PSME4: variants seen among roughly 807,000 people sequenced by gnomAD.
PSME4 encodes the protein proteasome activator complex subunit 4.
PSME4 carries 89 observed loss-of-function variants against 253.9 expected under a neutral mutation model. That is an observed-to-expected ratio of 0.35 (90% CI 0.30 to 0.42). PSME4 has a LOEUF of 0.42. Ranked by LOEUF, PSME4 falls within the 10% of genes least tolerant of loss-of-function variation. The pLI, the probability that PSME4 is intolerant of heterozygous loss-of-function variation, is 1.00. For synonymous variants in PSME4, 851 were observed against 759.2 expected, an observed-to-expected ratio of 1.12 and a Z score of -1.99; for missense variants, 2,014 against 2,195.2, an observed-to-expected ratio of 0.92 and a Z score of 1.65.
rs10599430 is a variant in PSME4, at chr2:53,876,716, C to CTTTTTTTTTTTTTTTTTTTTTTTTTTTTT, written c.4816-962_4816-961insAAAAAAAAAAAAAAAAAAAAAAAAAAAAA. On this transcript the variant is annotated intron_variant, in intron 41 of 46. Transcript: ENST00000404125. ...TCTGATGGCTGTAGCCACTGTCATT[C>CTTTTTTTTTTTTTTTTTTTTTTTTTTTTT]TTTTTTTTTTTTTTTTTTTTGAGAC... 4.8e-4 allele frequency among the ~76,000 whole-genome samples: 47 copies of CTTTTTTTTTTTTTTTTTTTTTTTTTTTTT among 97,844 alleles called. 4 individuals are homozygous for CTTTTTTTTTTTTTTTTTTTTTTTTTTTTT. Among genetic ancestry groups the CTTTTTTTTTTTTTTTTTTTTTTTTTTTTT allele is most frequent in the East Asian group, 1.7e-3 (4 of 2,392 alleles). 64.2% of individuals were successfully genotyped at this position (97,844 alleles called of 152,430 possible).
At chr2:53,946,613 G>C (rs1475526890) in intron 3 of PSME4, among the ~76,000 whole-genome samples, 1 of 152,168 alleles carries the variant, frequency 6.6e-6, no homozygotes, top group Non-Finnish European at 1.5e-5. Flanking sequence ...AAAAATACTG[G>C]GGCCAGGTGT....
At chr2:53,905,014 A>G (rs1358220813) in intron 26 of PSME4, among the ~76,000 whole-genome samples, 1 of 146,498 alleles carries the variant, frequency 6.8e-6, no homozygotes, top group Non-Finnish European at 1.5e-5. Context: ...AGTTTGAAAT[A>G]TGTACAATGT....
chr2:53,944,561 T>C (rs1212357919), intron 3 of PSME4, among the ~76,000 whole-genome samples: 1 of 152,230 alleles, frequency 6.6e-6, no homozygotes, highest in African/African-American at 2.4e-5. Flanking sequence ...AATATCATAT[T>C]AATAATCGTG....
Position 53,925,664 on chromosome 2 carries a change from T to C in PSME4, c.1684A>G (p.Thr562Ala), listed in dbSNP as rs1573304746. 6.2e-7 allele frequency: 1 copy of C among 1,608,128 alleles called. No individual in the cohort carries two copies. Among genetic ancestry groups the C allele is most frequent in the East Asian group, 2.2e-5 (1 of 44,630 alleles). Residue 562 changes from threonine (T) to alanine (A), a missense_variant, in exon 14 of 47, where the codon ACA (threonine) becomes GCA (alanine). Physicochemically the swap from Thr to Ala is moderately conservative, Grantham distance 58. Transcript: ENST00000404125. ...DRCFGLIESS[T>A]LEQTREETET... is the part of the protein sequence containing the mutation. The stretch of plus-strand genomic sequence containing the variant: ...GTCTCTTCTCTTGTTTGCTCCAATG[T>C]GCTACTTTCTATAAGTCCAAAACAT...
intron 1 of PSME4, among the ~76,000 whole-genome samples, chr2:53,959,941 A>C (rs1259403919): frequency 6.6e-6 from 1 of 152,232 alleles, no homozygotes; most frequent in African/African-American, 2.4e-5. Context: ...TAAAAGTGAA[A>C]TAAAATAAAG....
At position 53,923,128 on chromosome 2, in the gene PSME4, T is replaced by C. The variant is rs1157549094; in HGVS notation, c.1909-10A>G. ...ATTCTTCTGGGCAGCACTGAAAATG[T>C]ATTTGTATAAGTAAGGCTTTTTTGA... On this transcript the variant is annotated splice_polypyrimidine_tract_variant and intron_variant, in intron 15 of 46. Coordinates refer to ENST00000404125, the MANE Select transcript of PSME4 (RefSeq NM_014614.3). 1.3e-6 allele frequency: 2 copies of C among 1,598,748 alleles called. No individual in the cohort carries two copies. The highest frequency in any genetic ancestry group is 2.7e-5 in the African/African-American group (2 of 74,366).
intron 27 of PSME4, among the ~76,000 whole-genome samples, chr2:53,903,266 T>C (rs924060209): frequency 3.9e-5 from 6 of 152,214 alleles, no homozygotes; most frequent in Non-Finnish European, 7.3e-5. Flanking sequence ...CCAAATTAAC[T>C]ATGTCATCAT....
Position 53,939,973 on chromosome 2 carries a change from G to T in PSME4, c.528C>A (p.Leu176=). 1 of 1,595,846 alleles carries T rather than the reference G, an allele frequency of 6.3e-7. No individual in the cohort carries two copies. Among genetic ancestry groups the T allele is most frequent in the Non-Finnish European group, 8.6e-7 (1 of 1,166,504 alleles). Residue 176 remains leucine, a synonymous_variant, in exon 4 of 47, where the codon CTC becomes CTA. Coordinates refer to ENST00000404125, the MANE Select transcript of PSME4 (RefSeq NM_014614.3). The part of the protein sequence containing the change: ...PNSVENILKT[L]VKSCRPYFPA... The stretch of plus-strand genomic sequence containing the variant: ...CTACTTACGGTCGGCAGCTTTTCAC[G>T]AGTGTTTTGAGAATATTTTCTACAG...
chr2:53,919,391 G>A (rs1668200470), intron 19 of PSME4, 145 bp from the exon 20 acceptor site: 1 of 1,116,152 alleles, frequency 9.0e-7, no homozygotes, highest in Admixed American at 3.7e-5. Flanking sequence ...CAACTTAACA[G>A]TGAAGAACAA....
At chr2:53,962,223 A>G (rs1048088653) in intron 1 of PSME4, among the ~76,000 whole-genome samples, 1 of 152,212 alleles carries the variant, frequency 6.6e-6, no homozygotes, top group African/African-American at 2.4e-5. Flanking sequence ...AGAAGTTACT[A>G]TTTATTCCTA....
chr2:53,950,749 G>A (rs1418893518), intron 1 of PSME4, among the ~76,000 whole-genome samples: 3 of 151,272 alleles, frequency 2.0e-5, no homozygotes, highest in Non-Finnish European at 2.9e-5. Flanking sequence ...GCTGAGGCAG[G>A]AGAATTGCTT....
chr2:53,952,187 G>C (rs1670029740), intron 1 of PSME4, among the ~76,000 whole-genome samples: 3 of 152,132 alleles, frequency 2.0e-5, no homozygotes, highest in Admixed American at 2.0e-4. Flanking sequence ...TGTAATCCCA[G>C]CACTTTGGGA....
chr2:53,911,962 G>A lies in PSME4; in HGVS notation c.2517-1832C>T, dbSNP rs201299708. On this transcript the variant is annotated intron_variant, in intron 20 of 46. Coordinates refer to ENST00000404125, the MANE Select transcript of PSME4 (RefSeq NM_014614.3). The stretch of plus-strand genomic sequence containing the variant: ...ACACTTTGAATTGTTTTCTTATCAG[G>A]GAATTTGAAAAATAATCATTTATGC... 9.6e-4 allele frequency among the ~76,000 whole-genome samples: 146 copies of A among 152,024 alleles called. 1 individual carries two copies. The highest frequency in any genetic ancestry group is 3.2e-3 in the Admixed American group (49 of 15,260).
intron 24 of PSME4, chr2:53,907,925 G>A (rs1680731764): frequency 6.2e-6 from 1 of 161,584 alleles, no homozygotes; most frequent in African/African-American, 2.4e-5. Flanking sequence ...CCCCAAAGAA[G>A]CTTACAATGA....
intron 20 of PSME4, among the ~76,000 whole-genome samples, chr2:53,911,830 C>T (rs1667839594): frequency 6.6e-6 from 1 of 152,146 alleles, no homozygotes; most frequent in Non-Finnish European, 1.5e-5. Flanking sequence ...ACCAATTATT[C>T]TCCATAGTTT....
Position 53,970,838 on chromosome 2 carries a change from A to T in PSME4, c.-54T>A, listed in dbSNP as rs1431656897. ...CCCACCCGAACCCTCCCCGGCCCCC[A>T]CCCCTCTCCGGGCTCCGCCTCCTCC... On this transcript the variant is annotated 5_prime_UTR_variant, in exon 1 of 47. Coordinates refer to ENST00000404125, the MANE Select transcript of PSME4 (RefSeq NM_014614.3). 1 of 1,069,616 alleles carries T rather than the reference A, an allele frequency of 9.3e-7. No homozygotes were observed. Among genetic ancestry groups the T allele is most frequent in the Admixed American group, 6.3e-5 (1 of 15,804 alleles). The allele number at this position is 1,069,616 out of a possible 1,614,324, so 66.3% of individuals were successfully genotyped here. A position where few individuals can be genotyped will look rare whatever the true frequency, so the allele number is the denominator to read the frequency against.
intron 1 of PSME4, among the ~76,000 whole-genome samples, chr2:53,949,586 A>G (rs1669882261): frequency 6.6e-6 from 1 of 152,192 alleles, no homozygotes; most frequent in Non-Finnish European, 1.5e-5. Flanking sequence ...GTCTTAAAAA[A>G]GAAGGAAATC....
chr2:53,940,077 A>T, intron 3 of PSME4, 77 bp from the exon 4 acceptor site: 1 of 1,116,832 alleles, frequency 9.0e-7, no homozygotes, highest in Non-Finnish European at 1.3e-6. Flanking sequence ...AAATATCTAT[A>T]AGATAACCTC....
Position 53,920,334 on chromosome 2 carries a change from C to G in PSME4, c.2279G>C (p.Gly760Ala). The G allele has an allele frequency of 1.2e-6, 2 of 1,612,664 alleles. No individual in the cohort carries two copies. Among genetic ancestry groups the G allele is most frequent in the Non-Finnish European group, 1.7e-6 (2 of 1,179,228 alleles). Residue 760 changes from glycine (G) to alanine (A), a missense_variant, in exon 19 of 47, where the codon GGG becomes GCG. Transcript: ENST00000404125. ...YFPIKDWGKP[G>A]DLWNLGIQWH... ...CTGGATTCCCAGATTCCACAAGTCC[C>G]CGGGTTTGCCCCAGTCCTAGAAGAG...
Sources: gnomAD v4.1 joint callset for allele counts (sites outside exome capture counted in the v4.1 genomes callset) on GRCh38, gnomAD v4.1.1 for gene constraint, MANE v1.5 for transcripts, NCBI Gene and HGNC (gene_info 2026-07-23, HGNC 2026-07-21) for gene names.